The following PTPRD variants were observed in gnomAD, a reference collection of about 807,000 sequenced individuals.
PTPRD encodes receptor-type tyrosine-protein phosphatase delta.
In PTPRD, 34 loss-of-function variants were observed where a neutral mutation model predicts 214.5. The ratio of observed to expected loss-of-function variants is 0.16; its 90% CI spans 0.12 to 0.21. PTPRD has a LOEUF of 0.21. Ranked by LOEUF, PTPRD falls within the 10% of genes least tolerant of loss-of-function variation. PTPRD has a pLI of 1.00. For synonymous variants in PTPRD, 1,128 were observed against 845.7 expected, an observed-to-expected ratio of 1.33 and a Z score of -5.79; for missense variants, 2,545 against 2,398.7, an observed-to-expected ratio of 1.06 and a Z score of -1.27.
intron 6 of PTPRD, among the ~76,000 whole-genome samples, chr9:9,747,901 T>A (rs1768877): frequency 0.53 from 80,950 of 152,048 alleles, 24,811 homozygotes; most frequent in African/African-American, 0.83. Context: ...ATGGCCGGAA[T>A]GTTTCAAAAA....
chr9:8,962,571 G>A (rs1475348149), intron 11 of PTPRD, among the ~76,000 whole-genome samples: 1 of 151,880 alleles, frequency 6.6e-6, no homozygotes, highest in Non-Finnish European at 1.5e-5. Flanking sequence ...AGCACTCTTA[G>A]GACATCATTT....
intron 2 of PTPRD, among the ~76,000 whole-genome samples, chr9:10,497,967 A>G (rs1321646950): frequency 6.6e-6 from 1 of 152,026 alleles, no homozygotes; most frequent in Non-Finnish European, 1.5e-5. Context: ...TGGACTTTTT[A>G]TTATTAGCTT....
intron 3 of PTPRD, among the ~76,000 whole-genome samples, chr9:10,294,984 C>T (rs1312348120): frequency 6.6e-6 from 1 of 151,838 alleles, no homozygotes; most frequent in Non-Finnish European, 1.5e-5. Flanking sequence ...TTCTTCTAGT[C>T]AGATGGATTT....
chr9:9,791,292 G>T (rs1443731691), intron 5 of PTPRD, among the ~76,000 whole-genome samples: 1 of 152,012 alleles, frequency 6.6e-6, no homozygotes. Context: ...TTTGTTAACT[G>T]CACACGTTTG....
At chr9:10,194,357 G>T (rs1320588857) in intron 3 of PTPRD, among the ~76,000 whole-genome samples, 871 of 8,830 alleles carry the variant, frequency 0.099, 7 homozygotes, top group Middle Eastern at 0.14. Flanking sequence ...GAGAGAGAGA[G>T]AGAGAGAGAG....
intron 8 of PTPRD, among the ~76,000 whole-genome samples, chr9:9,497,151 A>G (rs1258459123): frequency 6.6e-6 from 1 of 152,180 alleles, no homozygotes; most frequent in Non-Finnish European, 1.5e-5. Flanking sequence ...TAAGATGAGA[A>G]GCGTCATGGA....
At chr9:10,374,488 G>A (rs2154479482) in intron 2 of PTPRD, among the ~76,000 whole-genome samples, 1 of 152,136 alleles carries the variant, frequency 6.6e-6, no homozygotes, top group East Asian at 1.9e-4. Flanking sequence ...CCACCCGCCA[G>A]AACTTGCCCA....
chr9:9,108,447 T>G (rs1335549252), intron 10 of PTPRD, among the ~76,000 whole-genome samples: 1 of 152,182 alleles, frequency 6.6e-6, no homozygotes, highest in African/African-American at 2.4e-5. Context: ...ACAAATTTAC[T>G]AAACAAATTT....
intron 12 of PTPRD, among the ~76,000 whole-genome samples, chr9:8,685,683 T>C (rs12344765): frequency 0.015 from 2,278 of 152,128 alleles, 46 homozygotes; most frequent in African/African-American, 0.04. Flanking sequence ...TAGAGAAATA[T>C]ACAGAATCAA....
intron 3 of PTPRD, among the ~76,000 whole-genome samples, chr9:10,314,477 C>T (rs766269725): frequency 3.3e-5 from 5 of 151,848 alleles, no homozygotes; most frequent in African/African-American, 7.2e-5. Flanking sequence ...AGGCAGTGGA[C>T]GATGAGTTTA....
intron 11 of PTPRD, among the ~76,000 whole-genome samples, chr9:8,995,685 G>C (rs538895835): frequency 6.6e-6 from 1 of 152,204 alleles, no homozygotes; most frequent in South Asian, 2.1e-4. Flanking sequence ...ACTGGCTTCT[G>C]CTTTCCTACC....
chr9:9,253,076 T>C lies in PTPRD; in HGVS notation c.-202-69713A>G, dbSNP rs187234407. Among the ~76,000 whole-genome samples, 183 of 152,234 alleles carry C rather than the reference T, an allele frequency of 1.2e-3. 1 individual carries two copies. Among genetic ancestry groups the C allele is most frequent in the African/African-American group, 4.0e-3 (167 of 41,576 alleles). On this transcript the variant is annotated intron_variant, in intron 9 of 45. Transcript: ENST00000381196. Reference sequence around the variant, plus strand: ...GTGAAATTTTAAAAAGGAACTATTTTGAGATTTCCAAACTAAGATATAAAT... The same window carrying C: ...GTGAAATTTTAAAAAGGAACTATTTCGAGATTTCCAAACTAAGATATAAAT...
chr9:8,638,511 C>T (rs762971598), intron 12 of PTPRD, among the ~76,000 whole-genome samples: 1 of 152,138 alleles, frequency 6.6e-6, no homozygotes, highest in Non-Finnish European at 1.5e-5. Context: ...AATTGCAAAA[C>T]TATGACATAT....
chr9:10,572,125 A>G (rs181038615), intron 2 of PTPRD, among the ~76,000 whole-genome samples: 1 of 152,174 alleles, frequency 6.6e-6, no homozygotes, highest in Admixed American at 6.5e-5. Flanking sequence ...AATGAAACAA[A>G]GCCATATTTT....
intron 3 of PTPRD, among the ~76,000 whole-genome samples, chr9:10,107,330 C>A (rs1482034686): frequency 6.6e-6 from 1 of 151,842 alleles, no homozygotes; most frequent in Non-Finnish European, 1.5e-5. Flanking sequence ...GAGGCGCCAA[C>A]AAAAATATGA....
rs556470823 is a variant in PTPRD at position 8,577,952 on chromosome 9, C to T, written c.353-49173G>A. Among the ~76,000 whole-genome samples the T allele has an allele frequency of 1.4e-4, 21 of 152,284 alleles. No individual in the cohort carries two copies. In the East Asian group the frequency reaches 3.7e-3, roughly 27 times the overall value. On this transcript the variant is annotated intron_variant, in intron 14 of 45. Coordinates refer to ENST00000381196, the MANE Select transcript of PTPRD (RefSeq NM_002839.4). Reference sequence around the variant, plus strand: ...TCCTGTGTGTCCATCAGTCTCTACACATAATTGAGAAGGACTTTGATGGTT... The same window carrying T: ...TCCTGTGTGTCCATCAGTCTCTACATATAATTGAGAAGGACTTTGATGGTT...
intron 9 of PTPRD, among the ~76,000 whole-genome samples, chr9:9,355,326 G>T (rs760433112): frequency 6.6e-6 from 1 of 151,590 alleles, no homozygotes. Context: ...CCATCAAGAG[G>T]CTATTGCTGA....
intron 10 of PTPRD, among the ~76,000 whole-genome samples, chr9:9,174,498 C>A (rs1237219350): frequency 6.6e-6 from 1 of 152,108 alleles, no homozygotes; most frequent in East Asian, 1.9e-4. Context: ...GTGCATTTAT[C>A]TGCCTTAAGG....
At chr9:10,338,103 T>C (rs956774750) in intron 3 of PTPRD, among the ~76,000 whole-genome samples, 3 of 151,602 alleles carry the variant, frequency 2.0e-5, no homozygotes, top group Non-Finnish European at 4.4e-5. Flanking sequence ...AAAGACCAAC[T>C]GAAAATGCAT....
Sources: gnomAD v4.1 joint callset for allele counts (sites outside exome capture counted in the v4.1 genomes callset) on GRCh38, gnomAD v4.1.1 for gene constraint, MANE v1.5 for transcripts, NCBI Gene and HGNC (gene_info 2026-07-23, HGNC 2026-07-21) for gene names.